Variants in ATXN2 observed in about 807,000 individuals in gnomAD.
The protein encoded by ATXN2 is ataxin 2.
A neutral mutation model predicts 138.6 loss-of-function variants in ATXN2; 37 were observed. The ratio of observed to expected loss-of-function variants is 0.27; its 90% CI spans 0.21 to 0.35. The LOEUF (loss-of-function observed/expected upper bound fraction) is 0.35. Among genes scored for constraint, ATXN2 ranks in the 10% least tolerant of loss-of-function variants. ATXN2 has a pLI of 1.00. For synonymous variants in ATXN2, 549 were observed against 543.7 expected, an observed-to-expected ratio of 1.01 and a Z score of -0.13; for missense variants, 1,216 against 1,480.3, an observed-to-expected ratio of 0.82 and a Z score of 2.93.
rs752056918 is a variant in ATXN2 at position 111,485,733 on chromosome 12, G to C, written c.2437C>G (p.Pro813Ala). 1.2e-6 allele frequency: 2 copies of C among 1,614,016 alleles called. No individual in the cohort carries two copies. Among genetic ancestry groups the C allele is most frequent in the South Asian group, 2.2e-5 (2 of 91,062 alleles). The change falls in exon 17 of 25, where the codon CCA becomes GCA. Residue 813 changes from proline (P) to alanine (A), a missense_variant. Around this residue, in one of 4 missense-constraint regions of ATXN2, gnomAD observed 490 missense variants for 653.5 expected, o/e 0.75. Coordinates refer to ENST00000673436, the MANE Select transcript of ATXN2 (RefSeq NM_001372574.1). ...CFAPNMMYPV[P>A]VSPGVQPLYP... is the part of the protein sequence containing the mutation. ...CTTACTTGCACGCCTGGGCTCACTG[G>C]GACTGGATACATCATATTTGGTGCA...
intron 6 of ATXN2, among the ~76,000 whole-genome samples, chr12:111,523,960 G>A (rs1304882070): frequency 3.9e-5 from 6 of 152,010 alleles, no homozygotes; most frequent in Admixed American, 6.6e-5. Context: ...GGATATATGA[G>A]GGCAAAAATA....
chr12:111,518,461 C>T (rs1879976412), intron 8 of ATXN2, 34 bp from the exon 9 acceptor site: 1 of 1,558,178 alleles, frequency 6.4e-7, no homozygotes, highest in African/African-American at 1.4e-5. Context: ...TCATTTTATT[C>T]TAAAAGGTAC....
chr12:111,576,985 C>A (rs1025533527), intron 1 of ATXN2, among the ~76,000 whole-genome samples: 10 of 151,346 alleles, frequency 6.6e-5, no homozygotes, highest in Non-Finnish European at 1.2e-4. Context: ...AATAAACAAA[C>A]AAACAAACCC....
chr12:111,591,945 G>C (rs1014031150), intron 1 of ATXN2, among the ~76,000 whole-genome samples: 1 of 151,784 alleles, frequency 6.6e-6, no homozygotes. Context: ...AGCTGAGTGG[G>C]GTAGCAGGCA....
intron 1 of ATXN2, among the ~76,000 whole-genome samples, chr12:111,562,663 T>C (rs564070076): frequency 7.5e-6 from 1 of 132,996 alleles, no homozygotes; most frequent in Non-Finnish European, 1.5e-5. Context: ...GAGGTTGCAG[T>C]GAGCCAAGAT....
chr12:111,530,809 A>G (rs7301355), intron 5 of ATXN2, among the ~76,000 whole-genome samples: 15,573 of 150,942 alleles, frequency 0.1, 2,667 homozygotes, highest in African/African-American at 0.36. Context: ...GCGAGACTCC[A>G]TCTCAAAAAA....
Position 111,523,681 on chromosome 12 carries a change from G to A in ATXN2, c.696+1511C>T, listed in dbSNP as rs370859631. The stretch of plus-strand genomic sequence containing the variant: ...GTGGAGGTTACAGGGAGCCGAGATC[G>A]CACCACTGCACTCCAGTCTGGGTGA... On this transcript the variant is annotated intron_variant, in intron 6 of 24. Coordinates refer to ENST00000673436, the MANE Select transcript of ATXN2 (RefSeq NM_001372574.1). Among the ~76,000 whole-genome samples the A allele has an allele frequency of 2.5e-4, 38 of 151,886 alleles. 1 individual carries two copies. The South Asian group carries it at 6.7e-3, about 27-fold the overall frequency.
chr12:111,463,442 G>A (rs1360548786), intron 21 of ATXN2, among the ~76,000 whole-genome samples: 4 of 151,950 alleles, frequency 2.6e-5, no homozygotes, highest in South Asian at 2.1e-4. Context: ...CTACAGGTGC[G>A]TGCCACCATG....
chr12:111,573,851 C>T lies in ATXN2; in HGVS notation c.252-17932G>A, dbSNP rs933939889. 3.3e-5 allele frequency among the ~76,000 whole-genome samples: 5 copies of T among 149,846 alleles called. No homozygotes were observed. In the East Asian group the frequency reaches 9.7e-4, roughly 29 times the overall value. On this transcript the variant is annotated intron_variant, in intron 1 of 24. Coordinates refer to ENST00000673436, the MANE Select transcript of ATXN2 (RefSeq NM_001372574.1). ...GTTCATCTTTTCACATCATAGATAGCTAAATGTGTTTTTTCTTTCTTTTTT... is the reference window on the plus strand; with the variant it reads ...GTTCATCTTTTCACATCATAGATAGTTAAATGTGTTTTTTCTTTCTTTTTT...
At chr12:111,507,334 G>C (rs2106453) in intron 14 of ATXN2, among the ~76,000 whole-genome samples, 4,465 of 149,986 alleles carry the variant, frequency 0.03, 214 homozygotes, top group African/African-American at 0.1. Flanking sequence ...TGGGAGGTGA[G>C]GAGCGTCTCT....
chr12:111,591,237 C>T (rs984293484), intron 1 of ATXN2, among the ~76,000 whole-genome samples: 23 of 152,124 alleles, frequency 1.5e-4, no homozygotes, highest in African/African-American at 5.1e-4. Flanking sequence ...ATGGAAAAAC[C>T]ATCTTCCACA....
At chr12:111,561,217 G>C (rs1274406138) in intron 1 of ATXN2, among the ~76,000 whole-genome samples, 1 of 151,728 alleles carries the variant, frequency 6.6e-6, no homozygotes, top group South Asian at 2.1e-4. Flanking sequence ...GTCTCTGGCC[G>C]GGCATGGTGG....
At chr12:111,555,089 C>T (rs1418059254) in intron 2 of ATXN2, among the ~76,000 whole-genome samples, 1 of 152,052 alleles carries the variant, frequency 6.6e-6, no homozygotes, top group Non-Finnish European at 1.5e-5. Flanking sequence ...ATGTCCGGTT[C>T]AATTTCATTG....
chr12:111,453,845 C>G lies in ATXN2; in HGVS notation c.3271G>C (p.Ala1091Pro), dbSNP rs576796157. 2 of 1,604,528 alleles carry G rather than the reference C, an allele frequency of 1.2e-6. No homozygotes were observed. The highest frequency in any genetic ancestry group is 1.7e-6 in the Non-Finnish European group (2 of 1,174,470). The change falls in exon 24 of 25, where the codon GCT becomes CCT. Residue 1091 changes from alanine (A) to proline (P), a missense_variant and splice_region_variant. Physicochemically the swap from Ala to Pro is conservative, Grantham distance 27 (BLOSUM62 -1). This residue lies in a region of ATXN2 where 490 missense variants were observed against 653.5 expected (regional missense o/e 0.75). Transcript: ENST00000673436. The surrounding 1 kb of genome is among the most constrained non-coding windows in gnomAD (Gnocchi z 5.4). ...NPPHMAHVPQ[A>P]HVQSGMVPSH... Reference sequence around the variant, plus strand: ...GGAACCATTCCTGACTGTACATGAGCCTGAAACAGAGAGCTCTTTTACGCA... The same window carrying G: ...GGAACCATTCCTGACTGTACATGAGGCTGAAACAGAGAGCTCTTTTACGCA...
At chr12:111,554,882 T>C (rs934756910) in intron 2 of ATXN2, among the ~76,000 whole-genome samples, 2 of 152,208 alleles carry the variant, frequency 1.3e-5, no homozygotes, top group Non-Finnish European at 2.9e-5. Context: ...AGAAGAACCC[T>C]GACTAGGTTC....
intron 14 of ATXN2, among the ~76,000 whole-genome samples, chr12:111,501,948 G>A (rs986882029): frequency 6.6e-6 from 1 of 151,640 alleles, no homozygotes; most frequent in African/African-American, 2.4e-5. Context: ...CTGGAGCGCA[G>A]TGGTGCAAGC....
intron 11 of ATXN2, 31 bp from the exon 12 acceptor site, chr12:111,510,613 TTC>T: frequency 4.5e-6 from 7 of 1,555,010 alleles, no homozygotes; most frequent in Non-Finnish European, 4.4e-6. Context: ...ATTTATTACA[TTC>T]TCAGTTCAAA....
chr12:111,470,801 T>C, intron 18 of ATXN2, 59 bp from the exon 19 acceptor site: 1 of 1,560,230 alleles, frequency 6.4e-7, no homozygotes, highest in Middle Eastern at 1.7e-4. Flanking sequence ...AATACATGTG[T>C]TCACATGGTC....
intron 18 of ATXN2, among the ~76,000 whole-genome samples, chr12:111,480,358 C>T (rs1050247706): frequency 2.0e-5 from 3 of 152,126 alleles, no homozygotes; most frequent in African/African-American, 7.2e-5. Flanking sequence ...CTAAAATTAG[C>T]CAGGCATAAT....
Sources: gnomAD v4.1 joint callset for allele counts (sites outside exome capture counted in the v4.1 genomes callset) on GRCh38, gnomAD v4.1.1 for gene constraint, gnomAD v4.1.1 regional missense constraint, Gnocchi (gnomAD v3.1) non-coding constraint, MANE v1.5 for transcripts, NCBI Gene and HGNC (gene_info 2026-07-23, HGNC 2026-07-21) for gene names.